Variants in FAM43A observed in about 807,000 individuals in gnomAD.
FAM43A encodes family with sequence similarity 43 member A.
In FAM43A, 11 loss-of-function variants were observed where a neutral mutation model predicts 15.7. The observed-to-expected ratio is 0.70, with a 90% CI of 0.44 to 1.16. FAM43A has a LOEUF of 1.16. Among genes scored for constraint, FAM43A ranks in the 50% most tolerant of loss-of-function variants. FAM43A has a pLI of 0.00. For missense variants in FAM43A, 573 were observed against 620.0 expected (o/e 0.92, Z 0.80); for synonymous variants, 319 against 291.7 (o/e 1.09, Z -0.96).
In FAM43A at chr3:194,687,270, G is replaced by T; in HGVS notation, c.444G>T (p.Arg148=). The T allele has an allele frequency of 6.3e-7, 1 of 1,590,264 alleles. No individual in the cohort carries two copies. ...TCACCTACTGCGTGGCCGACGCGCGGCTGCCCAAGGTCTTCGCCTGGGTGT... is the reference window on the plus strand; with the variant it reads ...TCACCTACTGCGTGGCCGACGCGCGTCTGCCCAAGGTCTTCGCCTGGGTGT... ...HRVTYCVADA[R]LPKVFAWVYR... Residue 148 remains arginine, a synonymous_variant, in exon 1 of 1, where the codon CGG becomes CGT. Coordinates refer to ENST00000329759, the MANE Select transcript of FAM43A (RefSeq NM_153690.5).
In FAM43A at chr3:194,688,059, G is replaced by A. The variant is rs757995420; in HGVS notation, c.1233G>A (p.Gln411=). The A allele has an allele frequency of 7.1e-7, 1 of 1,406,496 alleles. No homozygotes were observed. Among genetic ancestry groups the A allele is most frequent in the Non-Finnish European group, 9.3e-7 (1 of 1,079,300 alleles). The allele number at this position is 1,406,496 out of a possible 1,614,324, so 87.1% of individuals were successfully genotyped here. ...CCACCGCCGGGGACTCGTCCCGCCA[G>A]GCCGACGGCGCCAGTGCAGACGAGC... The part of the protein sequence containing the change: ...TSATAGDSSR[Q]ADGASADEPH... The change falls in exon 1 of 1, where the codon CAG becomes CAA. Residue 411 remains glutamine, a synonymous_variant. Coordinates refer to ENST00000329759, the MANE Select transcript of FAM43A (RefSeq NM_153690.5).
Position 194,686,949 on chromosome 3 carries a change from G to T in FAM43A, c.123G>T (p.Ala41=). 6.2e-7 allele frequency: 1 copy of T among 1,610,302 alleles called. No homozygotes were observed. The highest frequency in any genetic ancestry group is 8.5e-7 in the Non-Finnish European group (1 of 1,177,858). ...HYSALSSLAR[A]CPEGALSRVG... is the part of the protein sequence containing the mutation. ...CGGCGCTCAGCTCGCTGGCGCGGGCGTGCCCCGAAGGCGCGCTTAGCCGGG... is the reference window on the plus strand; with the variant it reads ...CGGCGCTCAGCTCGCTGGCGCGGGCTTGCCCCGAAGGCGCGCTTAGCCGGG... Residue 41 remains alanine (A), a synonymous_variant, in exon 1 of 1, where the codon GCG becomes GCT. Coordinates refer to ENST00000329759, the MANE Select transcript of FAM43A (RefSeq NM_153690.5).
At position 194,688,155 on chromosome 3, in the gene FAM43A, C is replaced by T. The variant is rs772762821; in HGVS notation, c.*57C>T. The T allele has an allele frequency of 1.6e-6, 2 of 1,283,508 alleles. No individual in the cohort carries two copies. Among genetic ancestry groups the T allele is most frequent in the Non-Finnish European group, 9.9e-7 (1 of 1,008,250 alleles). 79.5% of individuals were successfully genotyped at this position (1,283,508 alleles called of 1,614,324 possible). A position where few individuals can be genotyped will look rare whatever the true frequency, so the allele number is the denominator to read the frequency against. ...GGCTACCCATCCGTGGTCCCGACAA[C>T]CTCCCTGTCCCTTGCCCGCCCCCAG... On this transcript the variant is annotated 3_prime_UTR_variant, in exon 1 of 1. Transcript: ENST00000329759.
rs1180800312 is a variant in FAM43A, at chr3:194,688,501, G to C, written c.*403G>C. 1 of 185,862 alleles carries C rather than the reference G, an allele frequency of 5.4e-6. No individual in the cohort carries two copies. The highest frequency in any genetic ancestry group is 1.2e-5 in the Non-Finnish European group (1 of 81,786). 11.5% of individuals were successfully genotyped at this position (185,862 alleles called of 1,614,324 possible). A position where few individuals can be genotyped will look rare whatever the true frequency, so the allele number is the denominator to read the frequency against. On this transcript the variant is annotated 3_prime_UTR_variant, in exon 1 of 1. Transcript: ENST00000329759. The stretch of plus-strand genomic sequence containing the variant: ...CTTCCTCCTCCCACCCCCTGGGAGC[G>C]GCCCTGCGCTGTCACTGACATCTCA...
rs747862923 is a variant in FAM43A at position 194,688,018 on chromosome 3, C to G, written c.1192C>G (p.Pro398Ala). 2 of 1,423,678 alleles carry G rather than the reference C, an allele frequency of 1.4e-6. No homozygotes were observed. Among genetic ancestry groups the G allele is most frequent in the Non-Finnish European group, 1.8e-6 (2 of 1,089,784 alleles). 88.2% of individuals were successfully genotyped at this position (1,423,678 alleles called of 1,614,324 possible). A position where few individuals can be genotyped will look rare whatever the true frequency, so the allele number is the denominator to read the frequency against. Residue 398 changes from proline (P) to alanine (A), a missense_variant, in exon 1 of 1, where the codon CCT (proline) becomes GCT (alanine). Transcript: ENST00000329759. ...CGAGAGCTCCATCGAGGGCGGGGGC[C>G]CTGACGCCACCTCCGCCACCGCCGG... Reference protein sequence around the residue: ...GSESSIEGGGPDATSATAGDS... With the variant: ...GSESSIEGGGADATSATAGDS...
Position 194,687,572 on chromosome 3 carries a change from A to T in FAM43A, c.746A>T (p.Lys249Met). 6.3e-7 allele frequency: 1 copy of T among 1,587,608 alleles called. No individual in the cohort carries two copies. The highest frequency in any genetic ancestry group is 1.8e-5 in the Admixed American group (1 of 56,704). Residue 249 changes from lysine to methionine, a missense_variant, in exon 1 of 1, where the codon AAG becomes ATG. Transcript: ENST00000329759. ...PPVERSRSAP[K>M]LGSITEDLLG... is the part of the protein sequence containing the mutation. ...GTGGAGCGCAGCCGCAGCGCGCCCA[A>T]GCTTGGCTCCATCACCGAGGACCTG...
rs1719407662 is a variant in FAM43A, at chr3:194,686,001, G to C, written c.-826G>C. Among the ~76,000 whole-genome samples the C allele has an allele frequency of 1.3e-5, 2 of 152,338 alleles. No homozygotes were observed. The highest frequency in any genetic ancestry group is 4.1e-4 in the South Asian group (2 of 4,832). Reference sequence around the variant, plus strand: ...GAGCTGGACACCGCCTCGGAGGGAAGAAATGAGGTAGCGGCGGTTCCCGGA... The same window carrying C: ...GAGCTGGACACCGCCTCGGAGGGAACAAATGAGGTAGCGGCGGTTCCCGGA... On this transcript the variant is annotated 5_prime_UTR_variant, in exon 1 of 1. Transcript: ENST00000329759.
chr3:194,688,224 G>A lies in FAM43A; in HGVS notation c.*126G>A. The A allele has an allele frequency of 3.6e-6, 4 of 1,107,002 alleles. No individual in the cohort carries two copies. Among genetic ancestry groups the A allele is most frequent in the Non-Finnish European group, 4.6e-6 (4 of 860,476 alleles). The allele number at this position is 1,107,002 out of a possible 1,614,324, so 68.6% of individuals were successfully genotyped here. ...TTTGGGGCCCAGACCTACACTTGGA[G>A]CCCAGGTCCAGCGTTCCCCCGACCG... On this transcript the variant is annotated 3_prime_UTR_variant, in exon 1 of 1. Coordinates refer to ENST00000329759, the MANE Select transcript of FAM43A (RefSeq NM_153690.5).
Position 194,688,011 on chromosome 3 carries a change from C to CG in FAM43A, c.1190dup (p.Asp399Ter). 7.0e-7 allele frequency: 1 copy of CG among 1,419,626 alleles called. No homozygotes were observed. The allele number at this position is 1,419,626 out of a possible 1,614,324, so 87.9% of individuals were successfully genotyped here. Reference sequence around the variant, plus strand: ...CGGGCAGCGAGAGCTCCATCGAGGGCGGGGGCCCTGACGCCACCTCCGCCA... The same window carrying CG: ...CGGGCAGCGAGAGCTCCATCGAGGGCGGGGGGCCCTGACGCCACCTCCGCCA... On this transcript the variant is annotated frameshift_variant, in exon 1 of 1. Coordinates refer to ENST00000329759, the MANE Select transcript of FAM43A (RefSeq NM_153690.5). LOFTEE classifies it low-confidence loss of function (END_TRUNC).
rs947625503 is a variant in FAM43A, at chr3:194,688,403, C to T, written c.*305C>T. ...GGTGAGGGAAGGTTGGCTGAAGTTCCTAGTCTCAGGCCGTAGGTGCCTGGC... is the reference window on the plus strand; with the variant it reads ...GGTGAGGGAAGGTTGGCTGAAGTTCTTAGTCTCAGGCCGTAGGTGCCTGGC... On this transcript the variant is annotated 3_prime_UTR_variant, in exon 1 of 1. Coordinates refer to ENST00000329759, the MANE Select transcript of FAM43A (RefSeq NM_153690.5). 1 of 304,746 alleles carries T rather than the reference C, an allele frequency of 3.3e-6. No individual in the cohort carries two copies. Among genetic ancestry groups the T allele is most frequent in the African/African-American group, 2.2e-5 (1 of 45,946 alleles). The allele number at this position is 304,746 out of a possible 1,614,324, so 18.9% of individuals were successfully genotyped here.
rs528879509 is a variant in FAM43A, at chr3:194,686,588, T to C, written c.-239T>C. The C allele has an allele frequency of 2.3e-4, 85 of 370,518 alleles. No individual in the cohort carries two copies. Among genetic ancestry groups the C allele is most frequent in the African/African-American group, 1.6e-3 (77 of 47,070 alleles). The allele number at this position is 370,518 out of a possible 1,614,324, so 23.0% of individuals were successfully genotyped here. A position where few individuals can be genotyped will look rare whatever the true frequency, so the allele number is the denominator to read the frequency against. On this transcript the variant is annotated 5_prime_UTR_variant, in exon 1 of 1. Coordinates refer to ENST00000329759, the MANE Select transcript of FAM43A (RefSeq NM_153690.5). ...CGCGTGTCTCCCCCGCACCAACCTTTTTTGCACACTCGAAGCTGAATATTT... is the reference window on the plus strand; with the variant it reads ...CGCGTGTCTCCCCCGCACCAACCTTCTTTGCACACTCGAAGCTGAATATTT...
At position 194,687,248 on chromosome 3, in the gene FAM43A, C is replaced by T; in HGVS notation, c.422C>T (p.Thr141Ile). Residue 141 changes from threonine (T) to isoleucine (I), a missense_variant, in exon 1 of 1, where the codon ACC becomes ATC. Thr to Ile is a moderately conservative substitution (Grantham distance 89). Coordinates refer to ENST00000329759, the MANE Select transcript of FAM43A (RefSeq NM_153690.5). ...PGHLYLLHRV[T>I]YCVADARLPK... The stretch of plus-strand genomic sequence containing the variant: ...CACCTCTACCTGCTGCACCGCGTCA[C>T]CTACTGCGTGGCCGACGCGCGGCTG... 1 of 1,600,202 alleles carries T rather than the reference C, an allele frequency of 6.2e-7. No individual in the cohort carries two copies. Among genetic ancestry groups the T allele is most frequent in the Non-Finnish European group, 8.5e-7 (1 of 1,178,800 alleles).
Position 194,688,023 on chromosome 3 carries a change from C to T in FAM43A, c.1197C>T (p.Asp399=), listed in dbSNP as rs771229405. ...SESSIEGGGP[D]ATSATAGDSS... ...GCTCCATCGAGGGCGGGGGCCCTGA[C>T]GCCACCTCCGCCACCGCCGGGGACT... is the stretch of plus-strand genomic sequence containing the variant. Residue 399 remains aspartate (D), a synonymous_variant, in exon 1 of 1, where the codon GAC becomes GAT. Transcript: ENST00000329759. 6 of 1,419,076 alleles carry T rather than the reference C, an allele frequency of 4.2e-6. No individual in the cohort carries two copies. Among genetic ancestry groups the T allele is most frequent in the African/African-American group, 1.5e-5 (1 of 66,752 alleles). 87.9% of individuals were successfully genotyped at this position (1,419,076 alleles called of 1,614,324 possible). A position where few individuals can be genotyped will look rare whatever the true frequency, so the allele number is the denominator to read the frequency against.
In FAM43A at chr3:194,687,806, G is replaced by T. The variant is rs1208032178; in HGVS notation, c.980G>T (p.Gly327Val). 1.1e-5 allele frequency: 16 copies of T among 1,453,962 alleles called. No homozygotes were observed. The highest frequency in any genetic ancestry group is 1.5e-5 in the Non-Finnish European group (16 of 1,100,096). 90.1% of individuals were successfully genotyped at this position (1,453,962 alleles called of 1,614,324 possible). Residue 327 changes from glycine (G) to valine (V), a missense_variant, in exon 1 of 1, where the codon GGC (glycine) becomes GTC (valine). Transcript: ENST00000329759. ...LENGRGEALGGGGGSLGPGAG... is the reference protein window; with the variant it reads ...LENGRGEALGVGGGSLGPGAG... ...AATGGCCGTGGGGAGGCGCTAGGAG[G>T]CGGCGGGGGCTCCCTGGGCCCGGGG... is the stretch of plus-strand genomic sequence containing the variant.
chr3:194,689,022 G>A lies in FAM43A; in HGVS notation c.*924G>A. Reference sequence around the variant, plus strand: ...CACGCCAGTGGGGAGAGAATAAAGAGGAAAATTTAACAGAACAGGTGAGCG... The same window carrying A: ...CACGCCAGTGGGGAGAGAATAAAGAAGAAAATTTAACAGAACAGGTGAGCG... On this transcript the variant is annotated 3_prime_UTR_variant, in exon 1 of 1. Transcript: ENST00000329759. 6.4e-6 allele frequency: 1 copy of A among 155,412 alleles called. No homozygotes were observed. The allele number at this position is 155,412 out of a possible 1,614,324, so 9.6% of individuals were successfully genotyped here.
Position 194,686,667 on chromosome 3 carries a change from T to A in FAM43A, c.-160T>A. The A allele has an allele frequency of 1.7e-6, 1 of 604,452 alleles. No homozygotes were observed. The highest frequency in any genetic ancestry group is 2.4e-6 in the Non-Finnish European group (1 of 409,632). 37.4% of individuals were successfully genotyped at this position (604,452 alleles called of 1,614,324 possible). On this transcript the variant is annotated 5_prime_UTR_variant, in exon 1 of 1. Transcript: ENST00000329759. ...CTGCGGGGTTCCTAAGCACTCTCTC[T>A]GCTCCCCTCCCCCCAACTCCCTACC...
rs764463436 is a variant in FAM43A at position 194,687,977 on chromosome 3, G to C, written c.1151G>C (p.Gly384Ala). 5.6e-6 allele frequency: 8 copies of C among 1,431,026 alleles called. No individual in the cohort carries two copies. Among genetic ancestry groups the C allele is most frequent in the Non-Finnish European group, 6.4e-6 (7 of 1,092,464 alleles). The allele number at this position is 1,431,026 out of a possible 1,614,324, so 88.6% of individuals were successfully genotyped here. The change falls in exon 1 of 1, where the codon GGC (glycine) becomes GCC (alanine). Residue 384 changes from glycine (G) to alanine (A), a missense_variant. Gly to Ala is a moderately conservative substitution (Grantham distance 60). Coordinates refer to ENST00000329759, the MANE Select transcript of FAM43A (RefSeq NM_153690.5). The part of the protein sequence containing the change: ...ADLRVTRLLS[G>A]DSTGSESSIE... ...TTGCGGGTGACGCGCCTGCTGTCAG[G>C]CGACAGCACGGGCAGCGAGAGCTCC...
rs757623419 is a variant in FAM43A, at chr3:194,685,904, C to T, written c.-923C>T. Among the ~76,000 whole-genome samples, 4 of 152,216 alleles carry T rather than the reference C, an allele frequency of 2.6e-5. No individual in the cohort carries two copies. The highest frequency in any genetic ancestry group is 2.1e-4 in the South Asian group (1 of 4,834). ...CGGCAAGGATGTGAGGCAGGCGAGC[C>T]GGACGCCGCTCGCAGCACCGGAGAG... On this transcript the variant is annotated 5_prime_UTR_variant, in exon 1 of 1. Transcript: ENST00000329759.
In FAM43A at chr3:194,688,263, C is replaced by G; in HGVS notation, c.*165C>G. On this transcript the variant is annotated 3_prime_UTR_variant, in exon 1 of 1. Transcript: ENST00000329759. ...TTCCCCCGACCGCTTTCCCCTACCTCCCGGCCCCCGCTCCCGCCCCAGCAC... is the reference window on the plus strand; with the variant it reads ...TTCCCCCGACCGCTTTCCCCTACCTGCCGGCCCCCGCTCCCGCCCCAGCAC... The G allele has an allele frequency of 1.3e-6, 1 of 785,598 alleles. No homozygotes were observed. Among genetic ancestry groups the G allele is most frequent in the Non-Finnish European group, 1.8e-6 (1 of 567,556 alleles). The allele number at this position is 785,598 out of a possible 1,614,324, so 48.7% of individuals were successfully genotyped here.
Sources: gnomAD v4.1 joint callset for allele counts (sites outside exome capture counted in the v4.1 genomes callset) on GRCh38, gnomAD v4.1.1 for gene constraint, MANE v1.5 for transcripts, NCBI Gene and HGNC (gene_info 2026-07-23, HGNC 2026-07-21) for gene names.